FER1L6: variants seen among roughly 807,000 people sequenced by gnomAD.
The protein encoded by FER1L6 is fer-1-like protein 6.
In FER1L6, 177 loss-of-function variants were observed where a neutral mutation model predicts 219.2. The ratio of observed to expected loss-of-function variants is 0.81; its 90% CI spans 0.71 to 0.91. FER1L6 has a LOEUF of 0.91. Among genes scored for constraint, FER1L6 ranks in the 40% least tolerant of loss-of-function variants. The pLI is 0.00. For synonymous variants in FER1L6, 768 were observed against 824.3 expected (o/e 0.93, Z 1.17); for missense variants, 2,153 against 2,259.9 (o/e 0.95, Z 0.96).
chr8:123,993,286 C>T (rs1463949585), intron 12 of FER1L6, among the ~76,000 whole-genome samples: 3 of 151,284 alleles, frequency 2.0e-5, no homozygotes, highest in Non-Finnish European at 4.4e-5. Flanking sequence ...ACTAAAAATA[C>T]AAAAAATTAG....
intron 1 of FER1L6, among the ~76,000 whole-genome samples, chr8:123,890,567 A>C (rs1812621870): frequency 6.6e-6 from 1 of 150,686 alleles, no homozygotes; most frequent in South Asian, 2.1e-4. Flanking sequence ...TAGAATTCCT[A>C]AGCTACCTTT....
rs1554623296 is a variant in FER1L6, at chr8:123,969,885, A to AAC, written c.385-149_385-148insCA. On this transcript the variant is annotated intron_variant, in intron 5 of 40. Transcript: ENST00000522917. ...CTGTCTCCAAAAAAAAAAAAAAAAA[A>AAC]AGAGAATTGACAATTGACAATCAAT... 1,373 of 528,634 alleles carry AAC rather than the reference A, an allele frequency of 2.6e-3. 1 individual carries two copies. The highest frequency in any genetic ancestry group is 3.3e-3 in the Non-Finnish European group (954 of 289,532). The allele number at this position is 528,634 out of a possible 1,614,324, so 32.7% of individuals were successfully genotyped here.
chr8:123,927,351 G>T (rs1443291363), intron 1 of FER1L6, among the ~76,000 whole-genome samples: 1 of 152,132 alleles, frequency 6.6e-6, no homozygotes, highest in Non-Finnish European at 1.5e-5. Flanking sequence ...AAGGCAAGAG[G>T]CTTCATGAAA....
At chr8:124,044,123 G>T (rs896547989) in intron 20 of FER1L6, among the ~76,000 whole-genome samples, 2 of 152,218 alleles carry the variant, frequency 1.3e-5, no homozygotes, top group African/African-American at 4.8e-5. Context: ...ATGCTGTGAA[G>T]ATCACAAATT....
intron 1 of FER1L6, among the ~76,000 whole-genome samples, chr8:123,911,339 A>G (rs888857343): frequency 1.3e-5 from 2 of 152,150 alleles, no homozygotes; most frequent in African/African-American, 4.8e-5. Context: ...TCATAGTATT[A>G]ATAATAATAA....
chr8:124,020,442 G>A (rs1272600473), intron 16 of FER1L6, among the ~76,000 whole-genome samples: 1 of 152,194 alleles, frequency 6.6e-6, no homozygotes, highest in Non-Finnish European at 1.5e-5. Flanking sequence ...GCAGACAGTG[G>A]CAGGGCCAAT....
At chr8:124,115,570 A>G (rs1441704724) in intron 39 of FER1L6, among the ~76,000 whole-genome samples, 6 of 152,014 alleles carry the variant, frequency 3.9e-5, no homozygotes, top group African/African-American at 1.5e-4. Context: ...GGCCTGTGGG[A>G]CTTTTCTGGT....
intron 39 of FER1L6, among the ~76,000 whole-genome samples, chr8:124,103,532 C>T (rs13251412): frequency 0.81 from 122,751 of 152,158 alleles, 49,788 homozygotes; most frequent in Non-Finnish European, 0.86. Context: ...TGAACTTATG[C>T]GCCTGGCATT....
chr8:123,988,417 T>G (rs1240133829), intron 12 of FER1L6, among the ~76,000 whole-genome samples: 1 of 152,214 alleles, frequency 6.6e-6, no homozygotes, highest in Non-Finnish European at 1.5e-5. Flanking sequence ...CTTTGGGTAG[T>G]GTGGATGTTT....
At chr8:123,950,116 G>A (rs1366272730) in intron 1 of FER1L6, among the ~76,000 whole-genome samples, 1 of 152,196 alleles carries the variant, frequency 6.6e-6, no homozygotes, top group African/African-American at 2.4e-5. Flanking sequence ...TCGGCGCCCA[G>A]GCAAGAGGAA....
chr8:124,071,565 G>A lies in FER1L6; in HGVS notation c.4026G>A (p.Leu1342=). The change falls in exon 31 of 41, where the codon CTG becomes CTA. Residue 1342 remains leucine, a synonymous_variant. Coordinates refer to ENST00000522917, the MANE Select transcript of FER1L6 (RefSeq NM_001039112.2). ...CTAGCTCTGAGGACAGCGGGCAGCT[G>A]AGAATCCAGCAAGGGATTCCGCCCA... The part of the protein sequence containing the change: ...QDSSSEDSGQ[L]RIQQGIPPNH... 2 of 1,614,120 alleles carry A rather than the reference G, an allele frequency of 1.2e-6. No homozygotes were observed. The highest frequency in any genetic ancestry group is 1.7e-6 in the Non-Finnish European group (2 of 1,179,992).
chr8:124,022,912 T>C (rs1272202428), intron 17 of FER1L6, among the ~76,000 whole-genome samples: 1 of 91,708 alleles, frequency 1.1e-5, no homozygotes, highest in Non-Finnish European at 2.3e-5. Context: ...AGGCACTTTA[T>C]TTATTTATTT....
chr8:124,037,577 C>T (rs1442177182), intron 19 of FER1L6, among the ~76,000 whole-genome samples: 1 of 152,162 alleles, frequency 6.6e-6, no homozygotes, highest in Admixed American at 6.5e-5. Context: ...ACTTTCACCG[C>T]AAATACCTGG....
In FER1L6 at chr8:124,087,463, CT is replaced by C. The variant is rs760820063; in HGVS notation, c.4392-3959del. 1.1e-4 allele frequency among the ~76,000 whole-genome samples: 17 copies of C among 152,084 alleles called. No individual in the cohort carries two copies. The East Asian group carries it at 2.9e-3, about 26-fold the overall frequency. On this transcript the variant is annotated intron_variant, in intron 33 of 40. Transcript: ENST00000522917. ...TTTGTTAAATTTATCGGATAGGATT[CT>C]GAATTCCTTCTTTGTGTTATCTTGA...
chr8:123,944,027 C>A (rs756754812), intron 1 of FER1L6, among the ~76,000 whole-genome samples: 10 of 151,902 alleles, frequency 6.6e-5, no homozygotes, highest in African/African-American at 1.7e-4. Context: ...TTTACTGAAG[C>A]CTTGAGACCT....
chr8:124,085,115 T>C (rs1204131845), intron 33 of FER1L6, among the ~76,000 whole-genome samples: 1 of 152,116 alleles, frequency 6.6e-6, no homozygotes, highest in Admixed American at 6.5e-5. Context: ...TTCTGCAGTA[T>C]TGGTTGTAAT....
At chr8:123,968,562 C>T (rs561355974) in intron 5 of FER1L6, among the ~76,000 whole-genome samples, 1 of 152,212 alleles carries the variant, frequency 6.6e-6, no homozygotes, top group Non-Finnish European at 1.5e-5. Context: ...AAGGAAGCCA[C>T]AGCATCTGGT....
chr8:123,898,769 G>A (rs1024062437), intron 1 of FER1L6, among the ~76,000 whole-genome samples: 19 of 94,332 alleles, frequency 2.0e-4, no homozygotes, highest in Admixed American at 1.6e-3. Flanking sequence ...ACATATATAT[G>A]TGTATATATA....
At chr8:123,856,727 A>G (rs1816656944) in intron 1 of FER1L6, among the ~76,000 whole-genome samples, 1 of 151,976 alleles carries the variant, frequency 6.6e-6, no homozygotes, top group Non-Finnish European at 1.5e-5. Context: ...TTAGCACCAC[A>G]CATTAACTAT....
Sources: gnomAD v4.1 joint callset for allele counts (sites outside exome capture counted in the v4.1 genomes callset) on GRCh38, gnomAD v4.1.1 for gene constraint, MANE v1.5 for transcripts, NCBI Gene and HGNC (gene_info 2026-07-23, HGNC 2026-07-21) for gene names.